The following ITGA2 variants were observed in gnomAD, a reference collection of about 807,000 sequenced individuals.
ITGA2 encodes integrin alpha-2.
Under a neutral mutation model 146.3 loss-of-function variants are expected in ITGA2, and 101 were observed. The ratio of observed to expected loss-of-function variants is 0.69; its 90% CI spans 0.59 to 0.81. The LOEUF (loss-of-function observed/expected upper bound fraction) is 0.81, where lower values mean the gene tolerates loss of function less well. ITGA2 is among the 40% of genes least tolerant of loss of function. The probability of loss-of-function intolerance (pLI) is 0.00; values close to 1 mark genes in which losing one functional copy is unlikely to be tolerated. For synonymous variants in ITGA2, 477 were observed against 487.1 expected, an observed-to-expected ratio of 0.98 and a Z score of 0.27; for missense variants, 1,281 against 1,402.7, an observed-to-expected ratio of 0.91 and a Z score of 1.39.
chr5:53,065,421 AG>A (rs1745101663), intron 14 of ITGA2, among the ~76,000 whole-genome samples: 1 of 151,994 alleles, frequency 6.6e-6, no homozygotes, highest in African/African-American at 2.4e-5. Context: ...TTTTTAAAAA[AG>A]CAAATGAAAC....
Position 53,059,999 on chromosome 5 carries a change from C to T in ITGA2, c.1299C>T (p.His433=). ...ACCAAATTCTGCAGGACAGAAATCA[C>T]AGTTCATATTTAGGTAAGGCATGGT... ...AFDQILQDRN[H]SSYLGYSVAA... Residue 433 remains histidine (H), a synonymous_variant, in exon 11 of 30, where the codon CAC becomes CAT. Coordinates refer to ENST00000296585, the MANE Select transcript of ITGA2 (RefSeq NM_002203.4). The T allele has an allele frequency of 6.2e-7, 1 of 1,612,212 alleles. No homozygotes were observed. The highest frequency in any genetic ancestry group is 1.1e-5 in the South Asian group (1 of 91,070).
rs963514020 is a variant in ITGA2 at position 53,094,668 on chromosome 5, T to C, written c.*4069T>C. On this transcript the variant is annotated 3_prime_UTR_variant, in exon 30 of 30. Coordinates refer to ENST00000296585, the MANE Select transcript of ITGA2 (RefSeq NM_002203.4). ...TAGTAGTTTTTCTCATATCCAAGTA[T>C]AACAAACAGAAAAGTTTCATTATTG... is the stretch of plus-strand genomic sequence containing the variant. The C allele has an allele frequency of 1.3e-5, 2 of 152,228 alleles. No individual in the cohort carries two copies. The highest frequency in any genetic ancestry group is 4.8e-5 in the African/African-American group (2 of 41,470). 9.4% of individuals were successfully genotyped at this position (152,228 alleles called of 1,614,324 possible).
intron 27 of ITGA2, 31 bp from the exon 28 acceptor site, chr5:53,086,921 A>T (rs1203581492): frequency 6.4e-7 from 1 of 1,550,698 alleles, no homozygotes; most frequent in East Asian, 2.2e-5. Context: ...TGCTGCTACG[A>T]TAAAACATAT....
chr5:53,087,195 C>T (rs1187616197), intron 28 of ITGA2, among the ~76,000 whole-genome samples, 154 bp downstream of exon 28: 1 of 152,068 alleles, frequency 6.6e-6, no homozygotes, highest in Non-Finnish European at 1.5e-5. Flanking sequence ...GAGATTTTGG[C>T]GAGGGTGTGT....
intron 2 of ITGA2, among the ~76,000 whole-genome samples, chr5:53,034,783 G>A (rs1020600777): frequency 1.3e-5 from 2 of 152,076 alleles, no homozygotes; most frequent in Non-Finnish European, 2.9e-5. Flanking sequence ...AGAAGGATCT[G>A]GGGAATGCTA....
intron 2 of ITGA2, among the ~76,000 whole-genome samples, chr5:53,039,129 A>G (rs2111872148): frequency 6.6e-6 from 1 of 152,316 alleles, no homozygotes; most frequent in South Asian, 2.1e-4. Flanking sequence ...TCTTCTGCAG[A>G]TGAAATTAGA....
chr5:53,048,582 A>G (rs1403116985), intron 5 of ITGA2, 61 bp from the exon 6 acceptor site: 2 of 1,612,800 alleles, frequency 1.2e-6, no homozygotes, highest in Admixed American at 1.7e-5. Flanking sequence ...TCTCATTTTT[A>G]TATGGCTGTG....
intron 23 of ITGA2, among the ~76,000 whole-genome samples, chr5:53,077,063 C>A (rs559623382): frequency 6.6e-6 from 1 of 152,098 alleles, no homozygotes; most frequent in South Asian, 2.1e-4. Context: ...CACACATGTG[C>A]ACATTTTATT....
At chr5:53,003,908 A>G (rs145411831) in intron 1 of ITGA2, among the ~76,000 whole-genome samples, 2 of 152,150 alleles carry the variant, frequency 1.3e-5, no homozygotes, top group African/African-American at 4.8e-5. Flanking sequence ...AGCCTCCCGA[A>G]GTGCTGGGAT....
intron 28 of ITGA2, 150 bp downstream of exon 28, chr5:53,087,191 T>C: frequency 1.4e-6 from 1 of 699,862 alleles, no homozygotes. Flanking sequence ...TGTTGAGATT[T>C]TGGCGAGGGT....
chr5:53,075,010 G>A lies in ITGA2; in HGVS notation c.2665-51G>A, dbSNP rs374401020. The A allele has an allele frequency of 3.5e-5, 42 of 1,190,442 alleles. No homozygotes were observed. In the Admixed American group the frequency reaches 3.7e-4, roughly 10 times the overall value. 73.7% of individuals were successfully genotyped at this position (1,190,442 alleles called of 1,614,324 possible). On this transcript the variant is annotated intron_variant, in intron 21 of 29. Transcript: ENST00000296585. ...GAGAAACATTTTTTTTTTCACGTTGGCCTCTGAGTATGAAGCATCATAGAC... is the reference window on the plus strand; with the variant it reads ...GAGAAACATTTTTTTTTTCACGTTGACCTCTGAGTATGAAGCATCATAGAC...
At chr5:52,995,283 G>T (rs1234979118) in intron 1 of ITGA2, among the ~76,000 whole-genome samples, 1 of 152,172 alleles carries the variant, frequency 6.6e-6, no homozygotes, top group East Asian at 1.9e-4. Flanking sequence ...GACATGATCA[G>T]ATGAGGAGAG....
rs3212501 is a variant in ITGA2 at position 53,050,550 on chromosome 5, T to TC, written c.631-859dup. Among the ~76,000 whole-genome samples the TC allele has an allele frequency of 6.0e-3, 911 of 152,228 alleles. 8 individuals are homozygous for TC. Among genetic ancestry groups the TC allele is most frequent in the African/African-American group, 0.021 (873 of 41,544 alleles). On this transcript the variant is annotated intron_variant, in intron 6 of 29. Coordinates refer to ENST00000296585, the MANE Select transcript of ITGA2 (RefSeq NM_002203.4). ...AAACACAGCAGATGGAACTCAGAAA[T>TC]CCAGTCCTCACCGCTTCCACCTCCT...
At chr5:53,030,215 G>C (rs1743159748) in intron 2 of ITGA2, among the ~76,000 whole-genome samples, 1 of 152,234 alleles carries the variant, frequency 6.6e-6, no homozygotes, top group African/African-American at 2.4e-5. Flanking sequence ...AAGTATCCAA[G>C]ACATTGTTGA....
At chr5:53,017,093 C>T (rs1742430595) in intron 1 of ITGA2, among the ~76,000 whole-genome samples, 2 of 152,156 alleles carry the variant, frequency 1.3e-5, no homozygotes, top group African/African-American at 2.4e-5. Context: ...GTCATTTCAG[C>T]CACTTCAGCC....
chr5:53,079,811 C>A (rs1023676001), intron 24 of ITGA2, among the ~76,000 whole-genome samples: 1 of 152,032 alleles, frequency 6.6e-6, no homozygotes, highest in Non-Finnish European at 1.5e-5. Flanking sequence ...GTATCAAGTG[C>A]TTTACATATG....
intron 1 of ITGA2, among the ~76,000 whole-genome samples, chr5:53,016,528 A>G (rs959319143): frequency 1.8e-4 from 28 of 151,802 alleles, no homozygotes; most frequent in African/African-American, 6.8e-4. Flanking sequence ...TTTGTTCTCT[A>G]TTTTCGACTT....
chr5:53,060,084 A>C, intron 11 of ITGA2, 72 bp downstream of exon 11: 131 of 1,500,864 alleles, frequency 8.7e-5, no homozygotes, highest in Non-Finnish European at 1.1e-4. Flanking sequence ...GTTGAATCTC[A>C]GGGTGAGTTC....
chr5:53,006,638 A>G (rs994544451), intron 1 of ITGA2, among the ~76,000 whole-genome samples: 2 of 152,200 alleles, frequency 1.3e-5, no homozygotes, highest in South Asian at 4.1e-4. Context: ...GTATTATTCT[A>G]AGTGCTGGGG....
Sources: gnomAD v4.1 joint callset for allele counts (sites outside exome capture counted in the v4.1 genomes callset) on GRCh38, gnomAD v4.1.1 for gene constraint, MANE v1.5 for transcripts, NCBI Gene and HGNC (gene_info 2026-07-23, HGNC 2026-07-21) for gene names.